The following FOCAD variants were observed in gnomAD, a reference collection of about 807,000 sequenced individuals.
The protein encoded by FOCAD is focadhesin, also known as KIAA1797.
FOCAD carries 198 observed loss-of-function variants against 225.6 expected under a neutral mutation model. The observed-to-expected ratio is 0.88, with a 90% CI of 0.78 to 0.99. The LOEUF (loss-of-function observed/expected upper bound fraction) is 0.99. Ranked by LOEUF, FOCAD falls within the 50% of genes least tolerant of loss-of-function variation. The pLI, the probability that FOCAD is intolerant of heterozygous loss-of-function variation, is 0.00. For synonymous variants in FOCAD, 897 were observed against 755.0 expected, an observed-to-expected ratio of 1.19 and a Z score of -3.08; for missense variants, 2,713 against 2,123.6, an observed-to-expected ratio of 1.28 and a Z score of -5.46.
At chr9:20,671,996 T>TC (rs35633530) in intron 2 of FOCAD, among the ~76,000 whole-genome samples, 1 of 151,982 alleles carries the variant, frequency 6.6e-6, no homozygotes, top group Non-Finnish European at 1.5e-5. Flanking sequence ...TTTTTTTTTT[T>TC]CCTCCCTGGA....
intron 1 of FOCAD, among the ~76,000 whole-genome samples, chr9:20,704,557 T>A (rs1232985084): frequency 6.6e-6 from 1 of 152,212 alleles, no homozygotes; most frequent in African/African-American, 2.4e-5. Context: ...GGGGAAATTA[T>A]AATAGTTATT....
chr9:20,984,729 A>T (rs748296478), intron 39 of FOCAD, among the ~76,000 whole-genome samples: 1 of 152,200 alleles, frequency 6.6e-6, no homozygotes, highest in Admixed American at 6.5e-5. Context: ...GTGTGCTAAT[A>T]GTCTTTTCAC....
intron 6 of FOCAD, among the ~76,000 whole-genome samples, chr9:20,762,964 A>C (rs1483555136): frequency 6.6e-6 from 1 of 152,234 alleles, no homozygotes; most frequent in African/African-American, 2.4e-5. Flanking sequence ...ATTGCACTTT[A>C]TACCTTTCTT....
At chr9:20,731,269 A>G (rs949780254) in intron 4 of FOCAD, among the ~76,000 whole-genome samples, 10 of 151,754 alleles carry the variant, frequency 6.6e-5, no homozygotes, top group Admixed American at 5.9e-4. Context: ...AACAACAACA[A>G]CAACAACAAC....
At chr9:20,681,957 C>T (rs1254495318), upstream of FOCAD, among the ~76,000 whole-genome samples, 2 of 152,068 alleles carry the variant, frequency 1.3e-5, no homozygotes, top group African/African-American at 4.8e-5. Flanking sequence ...TGTTTGTGTC[C>T]CCCAAAGTTA....
chr9:20,866,916 T>TAACAAA lies in FOCAD; in HGVS notation c.2107-13_2107-12insAACAAA. On this transcript the variant is annotated splice_polypyrimidine_tract_variant and intron_variant, in intron 17 of 43. Coordinates refer to ENST00000338382, the MANE Select transcript of FOCAD (RefSeq NM_001375567.1). ...TTTTTTTTTTTTTTTTTTTTTTTTT[T>TAACAAA]TACCCTATCTAGGACCCAATTGTAG... The TAACAAA allele has an allele frequency of 1.1e-6, 1 of 885,978 alleles. No individual in the cohort carries two copies. The highest frequency in any genetic ancestry group is 1.7e-6 in the Non-Finnish European group (1 of 600,118). The allele number at this position is 885,978 out of a possible 1,614,324, so 54.9% of individuals were successfully genotyped here. A position where few individuals can be genotyped will look rare whatever the true frequency, so the allele number is the denominator to read the frequency against.
chr9:20,879,055 C>A (rs1187186690), intron 19 of FOCAD, among the ~76,000 whole-genome samples: 1 of 152,138 alleles, frequency 6.6e-6, no homozygotes, highest in Admixed American at 6.6e-5. Context: ...CTCAGACTCA[C>A]ATACTAATCT....
Position 20,929,360 on chromosome 9 carries a change from G to A in FOCAD, c.3081G>A (p.Lys1027=), listed in dbSNP as rs1175855098. ...RGQLLSWFYY[K]SYSGENTASA... Reference sequence around the variant, plus strand: ...TTTCTTTCTTTGGCATGTCCTAGAAGTCCTATTCTGGTGAAAACACAGCTA... The same window carrying A: ...TTTCTTTCTTTGGCATGTCCTAGAAATCCTATTCTGGTGAAAACACAGCTA... Residue 1027 remains lysine (K), a splice_region_variant and synonymous_variant, in exon 27 of 44, where the codon AAG becomes AAA. Transcript: ENST00000338382. 3.1e-6 allele frequency: 5 copies of A among 1,613,576 alleles called. No individual in the cohort carries two copies. Among genetic ancestry groups the A allele is most frequent in the Middle Eastern group, 3.3e-4 (2 of 6,052 alleles).
At chr9:20,924,642 T>C (rs1387663401) in intron 25 of FOCAD, among the ~76,000 whole-genome samples, 1 of 152,218 alleles carries the variant, frequency 6.6e-6, no homozygotes, top group Admixed American at 6.5e-5. Flanking sequence ...GTATTCTTTT[T>C]TTGTTGTTGT....
At chr9:20,861,165 T>TATATGATATGAA (rs1748728735) in intron 15 of FOCAD, among the ~76,000 whole-genome samples, 1 of 152,232 alleles carries the variant, frequency 6.6e-6, no homozygotes, top group African/African-American at 2.4e-5. Context: ...TGAAATAGTT[T>TATATGATATGAA]AAAGTCATAT....
intron 4 of FOCAD, among the ~76,000 whole-genome samples, chr9:20,721,518 A>G (rs1258416800): frequency 2.0e-5 from 3 of 152,110 alleles, no homozygotes; most frequent in African/African-American, 7.2e-5. Context: ...CCTGGCCAAC[A>G]TGATGAGACT....
intron 9 of FOCAD, among the ~76,000 whole-genome samples, chr9:20,781,386 C>G (rs535547223): frequency 6.6e-6 from 1 of 152,270 alleles, no homozygotes; most frequent in East Asian, 1.9e-4. Flanking sequence ...AGCCACTGAT[C>G]CAGGAATTCT....
chr9:20,820,225 G>A lies in FOCAD; in HGVS notation c.1561-99G>A. 3 of 804,878 alleles carry A rather than the reference G, an allele frequency of 3.7e-6. No individual in the cohort carries two copies. The South Asian group carries it at 5.6e-5, about 15-fold the overall frequency. The allele number at this position is 804,878 out of a possible 1,614,324, so 49.9% of individuals were successfully genotyped here. A position where few individuals can be genotyped will look rare whatever the true frequency, so the allele number is the denominator to read the frequency against. On this transcript the variant is annotated intron_variant, in intron 12 of 43. Transcript: ENST00000338382. ...AATATTGCAGCAAGCTTTCTTCTCA[G>A]TCTTCATTTTATAACAAGGGGTTTA... is the stretch of plus-strand genomic sequence containing the variant.
rs925522686 is a variant in FOCAD, at chr9:20,736,595, C to T, written c.288-3641C>T. Among the ~76,000 whole-genome samples, 10 of 152,236 alleles carry T rather than the reference C, an allele frequency of 6.6e-5. No homozygotes were observed. In the South Asian group the frequency reaches 1.9e-3, roughly 28 times the overall value. On this transcript the variant is annotated intron_variant, in intron 4 of 43. Coordinates refer to ENST00000338382, the MANE Select transcript of FOCAD (RefSeq NM_001375567.1). ...GTTTTAGGCAAATTCCAGGCCTCAG[C>T]GTTCATTAACTCTGATGCCTGTGCT...
Position 20,981,472 on chromosome 9 carries a change from A to C in FOCAD, c.4424A>C (p.Lys1475Thr). 1 of 1,614,166 alleles carries C rather than the reference A, an allele frequency of 6.2e-7. No homozygotes were observed. The highest frequency in any genetic ancestry group is 8.5e-7 in the Non-Finnish European group (1 of 1,180,000). Residue 1475 changes from lysine (K) to threonine (T), a missense_variant, in exon 38 of 44, where the codon AAA (lysine) becomes ACA (threonine). By Grantham distance (78) the Lys-to-Thr change is moderately conservative. Coordinates refer to ENST00000338382, the MANE Select transcript of FOCAD (RefSeq NM_001375567.1). Reference sequence around the variant, plus strand: ...CTGATATCTGCACCTCTGTGGATAAAACACATCTCTGATGAACAGATCCTG... The same window carrying C: ...CTGATATCTGCACCTCTGTGGATAACACACATCTCTGATGAACAGATCCTG... ...YLLISAPLWI[K>T]HISDEQILGF...
intron 43 of FOCAD, among the ~76,000 whole-genome samples, chr9:20,994,672 A>G (rs1181091176): frequency 6.6e-6 from 1 of 152,212 alleles, no homozygotes; most frequent in Non-Finnish European, 1.5e-5. Context: ...ATGTTTTCAC[A>G]TTATCCATCC....
intron 6 of FOCAD, among the ~76,000 whole-genome samples, chr9:20,759,208 CTACTT>C (rs1829341831): frequency 6.6e-6 from 1 of 152,116 alleles, no homozygotes; most frequent in Admixed American, 6.6e-5. Context: ...CCATTAAAAA[CTACTT>C]TAAAGTTCAT....
intron 15 of FOCAD, among the ~76,000 whole-genome samples, chr9:20,841,162 A>G (rs1310618538): frequency 1.3e-5 from 2 of 151,872 alleles, no homozygotes; most frequent in African/African-American, 4.8e-5. Context: ...TTCATCAGGG[A>G]TATTGGCCTG....
At chr9:20,753,539 A>C (rs1828764502) in intron 5 of FOCAD, among the ~76,000 whole-genome samples, 1 of 151,630 alleles carries the variant, frequency 6.6e-6, no homozygotes, top group South Asian at 2.1e-4. Context: ...AAGCTTTTTG[A>C]TGTGCTGCTG....
Sources: gnomAD v4.1 joint callset for allele counts (sites outside exome capture counted in the v4.1 genomes callset) on GRCh38, gnomAD v4.1.1 for gene constraint, MANE v1.5 for transcripts, NCBI Gene and HGNC (gene_info 2026-07-23, HGNC 2026-07-21) for gene names.